The following RRP1 variants were observed in gnomAD, a reference collection of about 807,000 sequenced individuals.
RRP1 encodes ribosomal RNA processing protein 1 homolog A.
Under a neutral mutation model 54.6 loss-of-function variants are expected in RRP1, and 37 were observed. The observed-to-expected ratio is 0.68, with a 90% CI of 0.52 to 0.89. The LOEUF is 0.89. Ranked by LOEUF, RRP1 falls within the 40% of genes least tolerant of loss-of-function variation. The pLI is 0.00. For synonymous variants in RRP1, 262 were observed against 244.3 expected, an observed-to-expected ratio of 1.07 and a Z score of -0.67; for missense variants, 639 against 612.5, an observed-to-expected ratio of 1.04 and a Z score of -0.46.
At chr21:43,799,364 G>A (rs1023097174) in intron 8 of RRP1, among the ~76,000 whole-genome samples, 2 of 151,158 alleles carry the variant, frequency 1.3e-5, no homozygotes, top group African/African-American at 4.9e-5. Flanking sequence ...AGGTCACATG[G>A]CACCTAGTAT....
chr21:43,796,574 C>A (rs1256240089), intron 5 of RRP1, among the ~76,000 whole-genome samples: 1 of 152,134 alleles, frequency 6.6e-6, no homozygotes, highest in East Asian at 1.9e-4. Context: ...CATTAATATC[C>A]ACGCCATTGC....
intron 4 of RRP1, among the ~76,000 whole-genome samples, chr21:43,793,661 G>A (rs1484166683): frequency 6.6e-6 from 1 of 152,246 alleles, no homozygotes; most frequent in African/African-American, 2.4e-5. Flanking sequence ...GAGAAGGAAA[G>A]TGACGATTGC....
chr21:43,790,067 T>G (rs1185067685), intron 1 of RRP1, among the ~76,000 whole-genome samples: 1 of 152,240 alleles, frequency 6.6e-6, no homozygotes, highest in Non-Finnish European at 1.5e-5. Context: ...CCCTGCTGTT[T>G]GGGCACCCAG....
intron 8 of RRP1, 95 bp from the exon 9 acceptor site, chr21:43,799,475 G>T: frequency 1.5e-6 from 2 of 1,337,162 alleles, no homozygotes; most frequent in Middle Eastern, 2.5e-4. Context: ...CCCGTGCTCC[G>T]ACCAGGGTGC....
intron 4 of RRP1, among the ~76,000 whole-genome samples, chr21:43,794,128 A>C (rs1227847376): frequency 2.0e-5 from 3 of 152,202 alleles, no homozygotes; most frequent in Non-Finnish European, 4.4e-5. Flanking sequence ...CTCTGGCTTC[A>C]GTGTCCAGCT....
chr21:43,800,026 C>T (rs1436196170), intron 9 of RRP1, among the ~76,000 whole-genome samples: 1 of 152,256 alleles, frequency 6.6e-6, no homozygotes, highest in Non-Finnish European at 1.5e-5. Flanking sequence ...ATGTGCCAAG[C>T]GGCTGGCCTG....
rs575985654 is a variant in RRP1, at chr21:43,793,138, C to T, written c.275-181C>T. 7.5e-5 allele frequency: 46 copies of T among 610,342 alleles called. No homozygotes were observed. The African/African-American group carries it at 7.8e-4, about 10-fold the overall frequency. 37.8% of individuals were successfully genotyped at this position (610,342 alleles called of 1,614,324 possible). On this transcript the variant is annotated intron_variant, in intron 3 of 12. Transcript: ENST00000497547. Reference sequence around the variant, plus strand: ...TGTCTGTAGGACTCACTTGAGGAGCCTCTAAAAATCCTCATGTCCAGATCC... The same window carrying T: ...TGTCTGTAGGACTCACTTGAGGAGCTTCTAAAAATCCTCATGTCCAGATCC...
chr21:43,801,461 C>A (rs2085090146), intron 11 of RRP1, among the ~76,000 whole-genome samples: 2 of 152,180 alleles, frequency 1.3e-5, no homozygotes, highest in Non-Finnish European at 2.9e-5. Context: ...CAGCTGTAGT[C>A]CAGGGTTTGG....
intron 9 of RRP1, 55 bp from the exon 10 acceptor site, chr21:43,800,462 G>C: frequency 6.4e-7 from 1 of 1,557,916 alleles, no homozygotes; most frequent in Non-Finnish European, 8.8e-7. Context: ...CCACGTTCTC[G>C]GAGCACGCAG....
intron 4 of RRP1, among the ~76,000 whole-genome samples, chr21:43,794,304 C>G (rs1210198488): frequency 6.6e-6 from 1 of 152,170 alleles, no homozygotes; most frequent in African/African-American, 2.4e-5. Context: ...CAATGGGGCT[C>G]TGCAGGGAGG....
intron 8 of RRP1, among the ~76,000 whole-genome samples, chr21:43,798,654 T>C (rs1442068860): frequency 6.6e-6 from 1 of 151,994 alleles, no homozygotes; most frequent in East Asian, 1.9e-4. Context: ...GTGCAGTGTG[T>C]GTGAGGGGCA....
chr21:43,802,399 G>C lies in RRP1; in HGVS notation c.1123+12G>C, dbSNP rs376495788. On this transcript the variant is annotated intron_variant, in intron 12 of 12. Coordinates refer to ENST00000497547, the MANE Select transcript of RRP1 (RefSeq NM_003683.6). ...GCAGCAGGAGAGAGGTAGGACTAGG[G>C]GGTGTGTTAGTCATGGAGCCGGCGT... is the stretch of plus-strand genomic sequence containing the variant. 1 of 1,605,736 alleles carries C rather than the reference G, an allele frequency of 6.2e-7. No homozygotes were observed. Among genetic ancestry groups the C allele is most frequent in the Admixed American group, 1.7e-5 (1 of 59,966 alleles).
chr21:43,800,952 G>C, intron 11 of RRP1, 71 bp downstream of exon 11: 2 of 1,528,866 alleles, frequency 1.3e-6, no homozygotes, highest in Non-Finnish European at 1.8e-6. Flanking sequence ...GGAGTGGTTT[G>C]GTTCTAGGGG....
intron 1 of RRP1, 85 bp downstream of exon 1, chr21:43,789,847 C>T (rs923954289): frequency 1.7e-5 from 23 of 1,382,818 alleles, no homozygotes; most frequent in East Asian, 3.0e-5. Context: ...GCTGGGGGCC[C>T]TCCGAGCCCT....
At chr21:43,800,656 A>C in intron 10 of RRP1, 42 bp downstream of exon 10, 1 of 1,596,732 alleles carries the variant, frequency 6.3e-7, no homozygotes, top group Non-Finnish European at 8.6e-7. Context: ...CTCCCCTTGG[A>C]GTTGCCCTTT....
At chr21:43,797,610 T>G (rs775868020) in intron 6 of RRP1, 21 bp from the exon 7 acceptor site, 1 of 1,614,102 alleles carries the variant, frequency 6.2e-7, no homozygotes, top group East Asian at 2.2e-5. Flanking sequence ...GGAACTGAGC[T>G]CCCGCTGGCT....
At chr21:43,802,238 C>G in intron 11 of RRP1, 36 bp from the exon 12 acceptor site, 2 of 1,504,246 alleles carry the variant, frequency 1.3e-6, no homozygotes, top group Non-Finnish European at 9.2e-7. Flanking sequence ...AGTCCCCAGC[C>G]CCCGAGAGCC....
intron 9 of RRP1, 97 bp downstream of exon 9, chr21:43,799,746 C>T (rs1005051737): frequency 8.5e-6 from 10 of 1,173,558 alleles, no homozygotes; most frequent in Non-Finnish European, 8.6e-6. Context: ...GGGAGGATGG[C>T]AGCTGTTGGC....
intron 5 of RRP1, 22 bp downstream of exon 5, chr21:43,795,272 T>C: frequency 5.6e-6 from 9 of 1,612,516 alleles, no homozygotes; most frequent in Non-Finnish European, 7.6e-6. Flanking sequence ...GCGGGCCTGC[T>C]CTGGGGGGAC....
Sources: gnomAD v4.1 joint callset for allele counts (sites outside exome capture counted in the v4.1 genomes callset) on GRCh38, gnomAD v4.1.1 for gene constraint, MANE v1.5 for transcripts, NCBI Gene and HGNC (gene_info 2026-07-23, HGNC 2026-07-21) for gene names.